Variants in PCGF5 observed in about 807,000 individuals in gnomAD.
PCGF5 encodes the protein polycomb group RING finger protein 5.
Under a neutral mutation model 44.3 loss-of-function variants are expected in PCGF5, and 9 were observed. The observed-to-expected ratio is 0.20, with a 90% CI of 0.12 to 0.35. PCGF5 has a LOEUF of 0.35. Among genes scored for constraint, PCGF5 ranks in the 10% least tolerant of loss-of-function variants. The pLI, the probability that PCGF5 is intolerant of heterozygous loss-of-function variation, is 1.00. For missense variants in PCGF5, 146 were observed against 305.3 expected (o/e 0.48, Z 3.89); for synonymous variants, 95 against 102.5 (o/e 0.93, Z 0.44).
chr10:91,232,041 G>T (rs571329709), intron 2 of PCGF5, among the ~76,000 whole-genome samples: 1 of 152,294 alleles, frequency 6.6e-6, no homozygotes, highest in Non-Finnish European at 1.5e-5. Context: ...TTTGAAGGGA[G>T]GACCAAGGAC....
chr10:91,256,390 G>A (rs1845753870), intron 6 of PCGF5, among the ~76,000 whole-genome samples: 1 of 151,978 alleles, frequency 6.6e-6, no homozygotes, highest in African/African-American at 2.4e-5. Context: ...AGATTATTCA[G>A]TCTGAGAAAC....
chr10:91,186,242 C>T (rs753449789), intron 1 of PCGF5, among the ~76,000 whole-genome samples: 45 of 152,162 alleles, frequency 3.0e-4, no homozygotes, highest in African/African-American at 1.0e-3. Context: ...GATTTTGCCC[C>T]GACTCTCACA....
At chr10:91,234,062 A>G (rs148238977) in intron 2 of PCGF5, among the ~76,000 whole-genome samples, 8 of 152,344 alleles carry the variant, frequency 5.3e-5, no homozygotes, top group Non-Finnish European at 1.0e-4. Flanking sequence ...ACTCTCTGTG[A>G]TACATAAGAG....
chr10:91,263,522 T>A (rs1213126073), intron 7 of PCGF5, among the ~76,000 whole-genome samples: 1 of 152,190 alleles, frequency 6.6e-6, no homozygotes, highest in Admixed American at 6.5e-5. Flanking sequence ...TTAAAACTCA[T>A]TCTTCTTCCC....
At chr10:91,200,082 C>T (rs950851250) in intron 1 of PCGF5, among the ~76,000 whole-genome samples, 3 of 152,230 alleles carry the variant, frequency 2.0e-5, no homozygotes, top group Non-Finnish European at 4.4e-5. Flanking sequence ...ACTATCCATC[C>T]TCCTTGACTG....
intron 1 of PCGF5, among the ~76,000 whole-genome samples, chr10:91,175,245 A>T (rs886336854): frequency 1.3e-5 from 2 of 152,178 alleles, no homozygotes; most frequent in Non-Finnish European, 2.9e-5. Flanking sequence ...GAGGTTCTGG[A>T]TGTAGGGATG....
chr10:91,164,443 C>G (rs1843460601), intron 1 of PCGF5, among the ~76,000 whole-genome samples: 1 of 152,182 alleles, frequency 6.6e-6, no homozygotes, highest in South Asian at 2.1e-4. Context: ...AGGGCTGGGT[C>G]CTGTCTCATT....
chr10:91,229,449 A>T (rs1844941766), intron 2 of PCGF5, among the ~76,000 whole-genome samples: 1 of 152,216 alleles, frequency 6.6e-6, no homozygotes, highest in Non-Finnish European at 1.5e-5. Context: ...AGTATTTCAG[A>T]TTCTTATTCC....
chr10:91,262,198 G>C (rs1845933462), intron 7 of PCGF5, among the ~76,000 whole-genome samples: 1 of 152,146 alleles, frequency 6.6e-6, no homozygotes, highest in Admixed American at 6.6e-5. Context: ...GCGGAGGCTA[G>C]TGGGGTCACT....
chr10:91,236,385 G>A (rs1845164901), intron 2 of PCGF5, among the ~76,000 whole-genome samples: 1 of 152,212 alleles, frequency 6.6e-6, no homozygotes, highest in Non-Finnish European at 1.5e-5. Flanking sequence ...TATTAGCTAA[G>A]TTGTTACTTA....
intron 5 of PCGF5, 105 bp downstream of exon 5, chr10:91,248,829 C>G: frequency 1.1e-6 from 1 of 922,480 alleles, no homozygotes; most frequent in Non-Finnish European, 1.7e-6. Context: ...TTTTCCTGCA[C>G]AAAATTCATG....
At chr10:91,227,864 A>G (rs752786797) in intron 2 of PCGF5, 38 of 984,684 alleles carry the variant, frequency 3.9e-5, no homozygotes, top group Non-Finnish European at 4.5e-5. Context: ...CCCATCCTTT[A>G]AAACTCATCC....
Position 91,232,227 on chromosome 10 carries a change from A to G in PCGF5, c.113-8257A>G, listed in dbSNP as rs114052151. 4.1e-3 allele frequency among the ~76,000 whole-genome samples: 618 copies of G among 152,342 alleles called. 5 individuals are homozygous for G. The highest frequency in any genetic ancestry group is 0.014 in the African/African-American group (598 of 41,584). On this transcript the variant is annotated intron_variant, in intron 2 of 9. Coordinates refer to ENST00000336126, the MANE Select transcript of PCGF5 (RefSeq NM_032373.5). ...TCCTAGATTTAGCAATGCATAGGTC[A>G]TGGTGGTCTTTTCAAGAGCAGTTTC...
intron 1 of PCGF5, among the ~76,000 whole-genome samples, chr10:91,176,082 A>G (rs1843701854): frequency 6.6e-6 from 1 of 152,054 alleles, no homozygotes; most frequent in African/African-American, 2.4e-5. Flanking sequence ...TGCTTCCTTC[A>G]GGAGCTCTTG....
At chr10:91,257,332 T>C (rs1845780543) in intron 6 of PCGF5, among the ~76,000 whole-genome samples, 1 of 152,072 alleles carries the variant, frequency 6.6e-6, no homozygotes, top group African/African-American at 2.4e-5. Flanking sequence ...TGTGGACAAA[T>C]TGAAACCTTA....
chr10:91,265,921 T>A (rs1247754934), intron 8 of PCGF5, among the ~76,000 whole-genome samples: 1 of 152,220 alleles, frequency 6.6e-6, no homozygotes, highest in African/African-American at 2.4e-5. Context: ...GAACTTGTCA[T>A]ACATGTTTGT....
At chr10:91,247,262 G>A (rs770651116) in intron 3 of PCGF5, among the ~76,000 whole-genome samples, 1 of 151,530 alleles carries the variant, frequency 6.6e-6, no homozygotes, top group Non-Finnish European at 1.5e-5. Flanking sequence ...GAGCAATATA[G>A]AAGAAATATA....
chr10:91,203,154 G>A (rs139447442), intron 1 of PCGF5, among the ~76,000 whole-genome samples: 52 of 152,266 alleles, frequency 3.4e-4, no homozygotes, highest in African/African-American at 1.2e-3. Flanking sequence ...GGTCTCTAGA[G>A]CATGCCACTA....
At chr10:91,236,985 C>A (rs1175337938) in intron 2 of PCGF5, among the ~76,000 whole-genome samples, 1 of 152,050 alleles carries the variant, frequency 6.6e-6, no homozygotes, top group Non-Finnish European at 1.5e-5. Flanking sequence ...TTCTATATAT[C>A]GTAGATCTAT....
Sources: allele counts gnomAD v4.1 joint callset (sites outside exome capture counted in the v4.1 genomes callset), GRCh38; gene constraint gnomAD v4.1.1; transcripts MANE v1.5; gene names NCBI Gene and HGNC (gene_info 2026-07-23, HGNC 2026-07-21).